The following DLG2 variants were observed in gnomAD, a reference collection of about 807,000 sequenced individuals.
DLG2 encodes disks large homolog 2.
DLG2 carries 45 observed loss-of-function variants against 132.5 expected under a neutral mutation model. That is an observed-to-expected ratio of 0.34 (90% confidence interval 0.27 to 0.44). The LOEUF is 0.44. Among genes scored for constraint, DLG2 ranks in the 20% least tolerant of loss-of-function variants. The pLI is 1.00. For synonymous variants in DLG2, 424 were observed against 419.6 expected, an observed-to-expected ratio of 1.01 and a Z score of -0.13; for missense variants, 1,045 against 1,196.9, an observed-to-expected ratio of 0.87 and a Z score of 1.87.
At chr11:83,560,508 G>T (rs202203084) in intron 19 of DLG2, among the ~76,000 whole-genome samples, 1 of 43,206 alleles carries the variant, frequency 2.3e-5, no homozygotes, top group Non-Finnish European at 4.2e-5. Flanking sequence ...ATGTTAATGT[G>T]AGCTTGTGTT....
chr11:85,465,476 C>A (rs1228927127), intron 3 of DLG2, among the ~76,000 whole-genome samples: 6 of 152,002 alleles, frequency 3.9e-5, no homozygotes, highest in South Asian at 4.2e-4. Context: ...CCACAACAGG[C>A]CCTGGTGTGT....
rs1487111327 is a variant in DLG2, at chr11:84,721,663, T to A, written c.358-186932A>T. Among the ~76,000 whole-genome samples, 4 of 152,190 alleles carry A rather than the reference T, an allele frequency of 2.6e-5. No individual in the cohort carries two copies. In the South Asian group the frequency reaches 8.3e-4, roughly 32 times the overall value. Reference sequence around the variant, plus strand: ...GGTAGGAAGTGGGTAAAACTAGCACTCTTTGGGTGCCACCTGGGTGCCTGG... The same window carrying A: ...GGTAGGAAGTGGGTAAAACTAGCACACTTTGGGTGCCACCTGGGTGCCTGG... On this transcript the variant is annotated intron_variant, in intron 6 of 27. Transcript: ENST00000376104.
chr11:85,018,169 T>G (rs1023522479), intron 6 of DLG2, among the ~76,000 whole-genome samples: 3 of 152,160 alleles, frequency 2.0e-5, no homozygotes, highest in Admixed American at 1.3e-4. Flanking sequence ...TTCTTGAATA[T>G]AAACTACCAC....
At chr11:85,421,278 C>T (rs1160845942) in intron 3 of DLG2, among the ~76,000 whole-genome samples, 1 of 152,052 alleles carries the variant, frequency 6.6e-6, no homozygotes, top group African/African-American at 2.4e-5. Context: ...GTTGCACCCA[C>T]TGTTTAACCA....
intron 15 of DLG2, among the ~76,000 whole-genome samples, chr11:83,880,018 T>C (rs996589823): frequency 6.6e-6 from 1 of 152,086 alleles, no homozygotes; most frequent in African/African-American, 2.4e-5. Context: ...ATGACCAAGA[T>C]CATGAAGGGT....
chr11:84,675,104 C>G (rs1301645379), intron 6 of DLG2, among the ~76,000 whole-genome samples: 1 of 152,058 alleles, frequency 6.6e-6, no homozygotes, highest in Non-Finnish European at 1.5e-5. Flanking sequence ...ATAAACCTGG[C>G]AAGCCAGGTA....
chr11:85,247,881 AG>A (rs1367738916), intron 4 of DLG2, among the ~76,000 whole-genome samples: 2 of 152,092 alleles, frequency 1.3e-5, no homozygotes. Flanking sequence ...AGCAACTCAG[AG>A]CCACATTTTA....
chr11:84,484,098 C>T (rs1282220168), intron 7 of DLG2, among the ~76,000 whole-genome samples: 1 of 152,184 alleles, frequency 6.6e-6, no homozygotes, highest in Non-Finnish European at 1.5e-5. Context: ...TCACCAATAT[C>T]CACTTCCTCT....
intron 6 of DLG2, among the ~76,000 whole-genome samples, chr11:84,877,781 C>A (rs1012849221): frequency 2.6e-5 from 4 of 152,142 alleles, no homozygotes; most frequent in African/African-American, 9.6e-5. Flanking sequence ...GAACAGGCAA[C>A]CTACAGAATG....
intron 7 of DLG2, among the ~76,000 whole-genome samples, chr11:84,393,170 C>T (rs1458970240): frequency 6.6e-6 from 1 of 152,104 alleles, no homozygotes; most frequent in Non-Finnish European, 1.5e-5. Flanking sequence ...AAATATCTTT[C>T]ACCATTGATC....
intron 3 of DLG2, among the ~76,000 whole-genome samples, chr11:85,577,785 G>C (rs2078247561): frequency 6.6e-6 from 1 of 152,054 alleles, no homozygotes; most frequent in Admixed American, 6.6e-5. Flanking sequence ...TGGATAGGAA[G>C]AATCAATATT....
chr11:85,192,343 T>C (rs747865909), intron 4 of DLG2, among the ~76,000 whole-genome samples: 35 of 152,234 alleles, frequency 2.3e-4, no homozygotes, highest in Non-Finnish European at 4.6e-4. Flanking sequence ...TAACTTCAGC[T>C]AAATTAAATT....
chr11:85,003,609 G>C (rs544392067), intron 6 of DLG2, among the ~76,000 whole-genome samples: 2 of 151,928 alleles, frequency 1.3e-5, no homozygotes, highest in South Asian at 4.1e-4. Context: ...TTTGTTAAGG[G>C]TATATTACTT....
chr11:85,596,477 A>G (rs1264123462), intron 3 of DLG2, among the ~76,000 whole-genome samples: 1 of 152,170 alleles, frequency 6.6e-6, no homozygotes, highest in Non-Finnish European at 1.5e-5. Context: ...ATATTACAGC[A>G]TGTTCTGCAG....
chr11:85,353,309 A>T (rs1483202710), intron 3 of DLG2, among the ~76,000 whole-genome samples: 1 of 152,208 alleles, frequency 6.6e-6, no homozygotes, highest in Non-Finnish European at 1.5e-5. Context: ...CACCAGTTAG[A>T]ATGGTGATCA....
chr11:85,558,814 G>T (rs1274105535), intron 3 of DLG2, among the ~76,000 whole-genome samples: 1 of 151,944 alleles, frequency 6.6e-6, no homozygotes, highest in East Asian at 1.9e-4. Flanking sequence ...GTCGGGCAAA[G>T]GTTGAAAACT....
At chr11:84,272,194 C>A in intron 7 of DLG2, 1 of 353,342 alleles carries the variant, frequency 2.8e-6, no homozygotes, top group Admixed American at 3.2e-5. Flanking sequence ...AAATATAGCC[C>A]AGAGTTTGTG....
At chr11:84,207,939 T>C (rs1052639183) in intron 8 of DLG2, among the ~76,000 whole-genome samples, 1 of 152,010 alleles carries the variant, frequency 6.6e-6, no homozygotes, top group African/African-American at 2.4e-5. Context: ...AAAAAGTAAA[T>C]AGCTCATTTC....
chr11:84,676,495 C>T (rs931365258), intron 6 of DLG2, among the ~76,000 whole-genome samples: 1 of 152,036 alleles, frequency 6.6e-6, no homozygotes, highest in Admixed American at 6.6e-5. Context: ...TCCTTTATCA[C>T]ACACCCTTTA....
Sources: gnomAD v4.1 joint callset for allele counts (sites outside exome capture counted in the v4.1 genomes callset) on GRCh38, gnomAD v4.1.1 for gene constraint, MANE v1.5 for transcripts, NCBI Gene and HGNC (gene_info 2026-07-23, HGNC 2026-07-21) for gene names.